Variants in ZNF254 observed in about 807,000 individuals in gnomAD.
The protein encoded by ZNF254 is zinc finger protein 254.
In ZNF254, 10 loss-of-function variants were observed where a neutral mutation model predicts 12.4. That is an observed-to-expected ratio of 0.80 (90% CI 0.50 to 1.36). ZNF254 has a LOEUF of 1.36. ZNF254 is among the 40% of genes most tolerant of loss of function. The pLI, the probability that ZNF254 is intolerant of heterozygous loss-of-function variation, is 0.00. For synonymous variants in ZNF254, 305 were observed against 253.4 expected, an observed-to-expected ratio of 1.20 and a Z score of -1.93; for missense variants, 996 against 763.9, an observed-to-expected ratio of 1.30 and a Z score of -3.58.
At chr19:24,056,491 A>G (rs1008903983) in intron 2 of ZNF254, among the ~76,000 whole-genome samples, 1 of 152,108 alleles carries the variant, frequency 6.6e-6, no homozygotes, top group African/African-American at 2.4e-5. Flanking sequence ...CTCTATGCCA[A>G]TGTGACATTA....
chr19:24,043,463 T>C (rs1046053502), intron 1 of ZNF254, among the ~76,000 whole-genome samples: 2 of 152,106 alleles, frequency 1.3e-5, no homozygotes, highest in Non-Finnish European at 2.9e-5. Flanking sequence ...CATTTCACTA[T>C]ATTGGTCAGG....
intron 2 of ZNF254, among the ~76,000 whole-genome samples, chr19:24,067,173 G>A (rs981504132): frequency 1.3e-5 from 2 of 151,952 alleles, no homozygotes; most frequent in Non-Finnish European, 2.9e-5. Flanking sequence ...ACACCTAGAT[G>A]ATGTGAGTTT....
chr19:24,041,705 C>G (rs369988666), intron 1 of ZNF254, among the ~76,000 whole-genome samples: 1 of 151,614 alleles, frequency 6.6e-6, no homozygotes, highest in Non-Finnish European at 1.5e-5. Context: ...TGCGAGCGCA[C>G]GGCGCAGGAC....
At chr19:24,063,263 A>T (rs1336488661) in intron 2 of ZNF254, among the ~76,000 whole-genome samples, 5 of 152,220 alleles carry the variant, frequency 3.3e-5, no homozygotes, top group Non-Finnish European at 5.9e-5. Context: ...AGACCTTTCT[A>T]CAAGTGTCAT....
intron 1 of ZNF254, among the ~76,000 whole-genome samples, chr19:24,040,466 A>G (rs2145193321): frequency 6.6e-6 from 1 of 152,326 alleles, no homozygotes. Flanking sequence ...GTAAATAGAA[A>G]CACAACAATT....
chr19:24,113,579 T>C (rs1217571749), intron 3 of ZNF254, among the ~76,000 whole-genome samples: 1 of 152,132 alleles, frequency 6.6e-6, no homozygotes, highest in African/African-American at 2.4e-5. Context: ...GCCAATATCA[T>C]ACTGAATGGG....
At chr19:24,106,389 T>G (rs1785048413) in intron 2 of ZNF254, 159 bp from the exon 3 acceptor site, 2 of 592,748 alleles carry the variant, frequency 3.4e-6, no homozygotes, top group East Asian at 5.2e-5. Flanking sequence ...ACCTAAAAAA[T>G]TAAAATATTT....
intron 3 of ZNF254, among the ~76,000 whole-genome samples, chr19:24,108,974 T>C (rs1973499394): frequency 1.3e-5 from 2 of 152,110 alleles, no homozygotes; most frequent in Admixed American, 6.6e-5. Flanking sequence ...GCTAACACGA[T>C]GAAACCCCGT....
At position 24,098,105 on chromosome 19, in the gene ZNF254, T is replaced by C. The variant is rs1219572707; in HGVS notation, c.31-7835T>C. Among the ~76,000 whole-genome samples, 5 of 152,318 alleles carry C rather than the reference T, an allele frequency of 3.3e-5. 1 individual carries two copies. In the South Asian group the frequency reaches 8.3e-4, roughly 25 times the overall value. On this transcript the variant is annotated intron_variant, in intron 1 of 3. Transcript: ENST00000357002. The stretch of plus-strand genomic sequence containing the variant: ...TTGAGCTGAATTATAAAGAAAATGT[T>C]TAAAAATTCCACATACATTATGAGT...
intron 2 of ZNF254, among the ~76,000 whole-genome samples, chr19:24,047,596 C>CTTTTT (rs386388790): frequency 9.3e-6 from 1 of 107,962 alleles, no homozygotes; most frequent in African/African-American, 3.7e-5. Context: ...TTCATTCTTC[C>CTTTTT]TTTTTTTTTT....
chr19:24,121,504 T>C (rs1332286472), intron 3 of ZNF254, among the ~76,000 whole-genome samples: 1 of 152,012 alleles, frequency 6.6e-6, no homozygotes, highest in Non-Finnish European at 1.5e-5. Flanking sequence ...ATCAGCCATA[T>C]GTCTTTTTCC....
At position 24,129,117 on chromosome 19, in the gene ZNF254, C is replaced by G. The variant is rs888039762; in HGVS notation, c.*1137C>G. On this transcript the variant is annotated 3_prime_UTR_variant, in exon 4 of 4. Coordinates refer to ENST00000357002, the MANE Select transcript of ZNF254 (RefSeq NM_203282.4). ...TGAGGAAAATTTAGGTAGAGAGGCT[C>G]TTTGTGGTTAACTTATAATATTGAG... 6.6e-6 allele frequency: 1 copy of G among 151,758 alleles called. No individual in the cohort carries two copies. Among genetic ancestry groups the G allele is most frequent in the East Asian group, 1.9e-4 (1 of 5,180 alleles). 9.4% of individuals were successfully genotyped at this position (151,758 alleles called of 1,614,324 possible).
intron 2 of ZNF254, among the ~76,000 whole-genome samples, chr19:24,053,465 G>C (rs1970723313): frequency 6.6e-6 from 1 of 151,782 alleles, no homozygotes; most frequent in Middle Eastern, 3.2e-3. Flanking sequence ...AGATGGGATT[G>C]TGCCATATTT....
intron 1 of ZNF254, chr19:24,033,699 C>G (rs1466776674): frequency 1.8e-5 from 5 of 285,408 alleles, no homozygotes; most frequent in South Asian, 1.1e-4. Flanking sequence ...TCACCGCTCC[C>G]GGGTTTCCGA....
At chr19:24,107,883 G>C (rs1409980885) in intron 3 of ZNF254, among the ~76,000 whole-genome samples, 1 of 152,196 alleles carries the variant, frequency 6.6e-6, no homozygotes, top group Non-Finnish European at 1.5e-5. Context: ...TTGGCCTTAA[G>C]GCTGCTGGGT....
intron 3 of ZNF254, among the ~76,000 whole-genome samples, chr19:24,110,129 TTGTG>T (rs1312934601): frequency 2.0e-5 from 3 of 152,226 alleles, no homozygotes; most frequent in African/African-American, 4.8e-5. Flanking sequence ...TGTATTTTCT[TTGTG>T]TGAGAAAAAC....
intron 1 of ZNF254, among the ~76,000 whole-genome samples, chr19:24,041,171 G>A (rs905926767): frequency 6.6e-5 from 10 of 152,232 alleles, no homozygotes; most frequent in African/African-American, 9.6e-5. Flanking sequence ...CAGAGCCCTC[G>A]CTTGCTCTCG....
intron 1 of ZNF254, among the ~76,000 whole-genome samples, chr19:24,087,894 A>G (rs979251279): frequency 2.7e-5 from 4 of 150,300 alleles, no homozygotes; most frequent in African/African-American, 9.8e-5. Flanking sequence ...AGGTACAGCA[A>G]TCTAGGTTGT....
chr19:24,034,336 G>T (rs1400864488), intron 1 of ZNF254, among the ~76,000 whole-genome samples: 1 of 152,080 alleles, frequency 6.6e-6, no homozygotes, highest in Non-Finnish European at 1.5e-5. Flanking sequence ...TAGAGAAGCT[G>T]CAGAGCCCTG....
Sources: gnomAD v4.1 joint callset for allele counts (sites outside exome capture counted in the v4.1 genomes callset) on GRCh38, gnomAD v4.1.1 for gene constraint, MANE v1.5 for transcripts, NCBI Gene and HGNC (gene_info 2026-07-23, HGNC 2026-07-21) for gene names.